RBFOX3: variants seen among roughly 807,000 people sequenced by gnomAD.
The protein encoded by RBFOX3 is RNA binding fox-1 homolog 3, also known as RNA binding protein fox-1 homolog 3.
In RBFOX3, 17 loss-of-function variants were observed where a neutral mutation model predicts 48.7. That is an observed-to-expected ratio of 0.35 (90% CI 0.24 to 0.52). RBFOX3 has a LOEUF of 0.52. Among genes scored for constraint, RBFOX3 ranks in the 20% least tolerant of loss-of-function variants. The probability of loss-of-function intolerance (pLI) is 0.94; values close to 1 mark genes in which losing one functional copy is unlikely to be tolerated. For missense variants in RBFOX3, 382 were observed against 497.5 expected, an observed-to-expected ratio of 0.77 and a Z score of 2.21; for synonymous variants, 212 against 209.5, an observed-to-expected ratio of 1.01 and a Z score of -0.10.
chr17:79,093,919 A>G (rs961617788), intron 14 of RBFOX3, among the ~76,000 whole-genome samples: 3 of 152,056 alleles, frequency 2.0e-5, no homozygotes, highest in African/African-American at 7.2e-5. Flanking sequence ...CTGTTTCCCC[A>G]GGACGCCAGG....
At chr17:79,420,134 C>CAT (rs1555721398) in intron 2 of RBFOX3, among the ~76,000 whole-genome samples, 1 of 51,340 alleles carries the variant, frequency 1.9e-5, no homozygotes, top group Non-Finnish European at 4.2e-5. Context: ...CTCATACACA[C>CAT]ACACACACAC....
At chr17:79,534,049 G>A (rs1473245577) in intron 1 of RBFOX3, among the ~76,000 whole-genome samples, 5 of 152,134 alleles carry the variant, frequency 3.3e-5, no homozygotes, top group African/African-American at 1.2e-4. Flanking sequence ...TTAAATGGCT[G>A]AATTAGCCAA....
chr17:79,269,180 A>T (rs1022780824), intron 3 of RBFOX3, among the ~76,000 whole-genome samples: 4 of 152,208 alleles, frequency 2.6e-5, no homozygotes, highest in Non-Finnish European at 5.9e-5. Flanking sequence ...CAGAGATTGC[A>T]GTGATGCTGT....
intron 1 of RBFOX3, among the ~76,000 whole-genome samples, chr17:79,546,425 A>G (rs1383500051): frequency 6.6e-6 from 1 of 152,190 alleles, no homozygotes; most frequent in Non-Finnish European, 1.5e-5. Flanking sequence ...ACAGAGCCCT[A>G]TCTGCTCTAA....
At chr17:79,523,700 C>T (rs1278787235) in intron 1 of RBFOX3, among the ~76,000 whole-genome samples, 3 of 152,196 alleles carry the variant, frequency 2.0e-5, no homozygotes, top group African/African-American at 7.2e-5. Context: ...ATAAGGCAAG[C>T]TGCCTGCCCT....
intron 2 of RBFOX3, among the ~76,000 whole-genome samples, chr17:79,344,465 C>G (rs930621063): frequency 1.3e-5 from 2 of 152,152 alleles, no homozygotes; most frequent in African/African-American, 4.8e-5. Flanking sequence ...GCTGCCCTCT[C>G]CCTCTATCCC....
intron 5 of RBFOX3, among the ~76,000 whole-genome samples, chr17:79,108,483 G>A (rs1435447837): frequency 1.3e-5 from 2 of 152,244 alleles, no homozygotes; most frequent in Admixed American, 6.5e-5. Flanking sequence ...AAGGAGTGCT[G>A]AGTTAGGACG....
chr17:79,363,478 C>A lies in RBFOX3; in HGVS notation c.-174-55654G>T, dbSNP rs1271024901. On this transcript the variant is annotated intron_variant, in intron 2 of 14. Coordinates refer to ENST00000693108, the MANE Select transcript of RBFOX3 (RefSeq NM_001350451.2). The surrounding 1 kb of genome is among the most constrained non-coding windows in gnomAD (Gnocchi z 4.7). ...CTCTTCTGTCTGGCTGCCTCCTCGG[C>A]TTTTTCAAGAAGCCTCAGAAGTATC... Among the ~76,000 whole-genome samples the A allele has an allele frequency of 1.3e-5, 2 of 152,050 alleles. No individual in the cohort carries two copies. The highest frequency in any genetic ancestry group is 2.9e-5 in the Non-Finnish European group (2 of 67,998).
intron 2 of RBFOX3, among the ~76,000 whole-genome samples, chr17:79,425,664 A>G (rs2067224591): frequency 6.6e-6 from 1 of 152,196 alleles, no homozygotes. Flanking sequence ...CAGCCAAGAG[A>G]TGGACAGAGC....
At chr17:79,316,070 G>A (rs925988222) in intron 2 of RBFOX3, among the ~76,000 whole-genome samples, 11 of 152,112 alleles carry the variant, frequency 7.2e-5, no homozygotes, top group South Asian at 4.1e-4. Flanking sequence ...GCCAAGGCTC[G>A]ACAGCACCCA....
intron 1 of RBFOX3, among the ~76,000 whole-genome samples, chr17:79,515,763 C>T (rs1199532716): frequency 6.6e-6 from 1 of 152,118 alleles, no homozygotes; most frequent in African/African-American, 2.4e-5. Flanking sequence ...GGCAGGCATT[C>T]GAGGCTCCCG....
At chr17:79,437,431 T>C (rs529495711) in intron 2 of RBFOX3, among the ~76,000 whole-genome samples, 1 of 152,326 alleles carries the variant, frequency 6.6e-6, no homozygotes, top group African/African-American at 2.4e-5. Flanking sequence ...ATAGCACCTC[T>C]GAGCTGAGCT....
intron 1 of RBFOX3, among the ~76,000 whole-genome samples, chr17:79,532,614 C>A (rs906460): frequency 0.14 from 21,401 of 152,204 alleles, 2,665 homozygotes; most frequent in African/African-American, 0.34. Context: ...GCCACTGAGG[C>A]CACCACACAG....
chr17:79,122,937 T>A (rs922042173), intron 4 of RBFOX3, among the ~76,000 whole-genome samples: 1 of 152,100 alleles, frequency 6.6e-6, no homozygotes, highest in African/African-American at 2.4e-5. Flanking sequence ...TTTTGTTAAG[T>A]GAAATAAGCC....
chr17:79,323,640 C>T lies in RBFOX3; in HGVS notation c.-174-15816G>A, dbSNP rs573634664. Reference sequence around the variant, plus strand: ...CCCAAGCCTCCCTGCAGCGGGGGCTCGGTCCTGACCTTTGTCCTGTTTGAT... The same window carrying T: ...CCCAAGCCTCCCTGCAGCGGGGGCTTGGTCCTGACCTTTGTCCTGTTTGAT... On this transcript the variant is annotated intron_variant, in intron 2 of 14. Coordinates refer to ENST00000693108, the MANE Select transcript of RBFOX3 (RefSeq NM_001350451.2). 5.9e-5 allele frequency among the ~76,000 whole-genome samples: 9 copies of T among 152,260 alleles called. No homozygotes were observed. The South Asian group carries it at 1.2e-3, about 21-fold the overall frequency.
chr17:79,097,102 C>G (rs1169971222), intron 11 of RBFOX3, among the ~76,000 whole-genome samples, 190 bp downstream of exon 11: 1 of 152,072 alleles, frequency 6.6e-6, no homozygotes, highest in Admixed American at 6.5e-5. Flanking sequence ...CCGCGATGCC[C>G]GCCGTGGTGG....
At position 79,212,930 on chromosome 17, in the gene RBFOX3, C is replaced by T. The variant is rs535413561; in HGVS notation, c.-34+22836G>A. 3.9e-4 allele frequency among the ~76,000 whole-genome samples: 59 copies of T among 152,292 alleles called. No individual in the cohort carries two copies. Among genetic ancestry groups the T allele is most frequent in the African/African-American group, 1.3e-3 (56 of 41,570 alleles). ...AGTGCAGTGGCGCAATCTCAGATCA[C>T]TGCAACCTCCGTCTCCCAGGTTCAA... On this transcript the variant is annotated intron_variant, in intron 4 of 14. Coordinates refer to ENST00000693108, the MANE Select transcript of RBFOX3 (RefSeq NM_001350451.2). The surrounding 1 kb of genome is among the most constrained non-coding windows in gnomAD (Gnocchi z 4.7).
chr17:79,186,524 C>T (rs2146316947), intron 4 of RBFOX3, among the ~76,000 whole-genome samples: 1 of 152,300 alleles, frequency 6.6e-6, no homozygotes, highest in East Asian at 1.9e-4. Context: ...TGCAGCCCTC[C>T]CGAGCCCCTG....
At chr17:79,097,524 A>T (rs1284575878) in intron 10 of RBFOX3, 100 bp from the exon 11 acceptor site, 2 of 993,556 alleles carry the variant, frequency 2.0e-6, no homozygotes, top group Non-Finnish European at 2.4e-6. Context: ...CTAGCCCCCA[A>T]CCCCTCCCCA....
Sources: allele counts gnomAD v4.1 joint callset (sites outside exome capture counted in the v4.1 genomes callset), GRCh38; gene constraint gnomAD v4.1.1; non-coding constraint Gnocchi (gnomAD v3.1); transcripts MANE v1.5; gene names NCBI Gene and HGNC (gene_info 2026-07-23, HGNC 2026-07-21).